The following ECT2 variants were observed in gnomAD, a reference collection of about 807,000 sequenced individuals.
The protein encoded by ECT2 is epithelial cell transforming 2.
ECT2 carries 61 observed loss-of-function variants against 116.9 expected under a neutral mutation model. The ratio of observed to expected loss-of-function variants is 0.52; its 90% CI spans 0.42 to 0.65. The LOEUF is 0.65. Ranked by LOEUF, ECT2 falls within the 30% of genes least tolerant of loss-of-function variation. ECT2 has a pLI of 0.00. For missense variants in ECT2, 937 were observed against 1,078.7 expected (o/e 0.87, Z 1.84); for synonymous variants, 358 against 346.4 (o/e 1.03, Z -0.37).
intron 18 of ECT2, among the ~76,000 whole-genome samples, chr3:172,799,568 T>G (rs1278875026): frequency 6.6e-6 from 1 of 152,224 alleles, no homozygotes; most frequent in South Asian, 2.1e-4. Flanking sequence ...CTAGTAACTT[T>G]AGCAATATCT....
downstream of ECT2, among the ~76,000 whole-genome samples, chr3:172,821,714 T>C (rs1415505923): frequency 6.6e-6 from 1 of 151,946 alleles, no homozygotes; most frequent in Non-Finnish European, 1.5e-5. Context: ...TTTGTGTTTA[T>C]GTGCATATAT....
intron 18 of ECT2, among the ~76,000 whole-genome samples, chr3:172,793,163 TTTTA>T (rs1446987484): frequency 6.6e-6 from 1 of 152,128 alleles, no homozygotes; most frequent in African/African-American, 2.4e-5. Context: ...TTTTATTTAT[TTTTA>T]TTTATTTATT....
downstream of ECT2, among the ~76,000 whole-genome samples, chr3:172,824,678 A>C (rs2109467388): frequency 6.6e-6 from 1 of 152,274 alleles, no homozygotes; most frequent in Admixed American, 6.5e-5. Context: ...TATCACTTCA[A>C]AATATATTCT....
At chr3:172,804,531 T>C (rs185747927) in intron 20 of ECT2, among the ~76,000 whole-genome samples, 128 of 152,320 alleles carry the variant, frequency 8.4e-4, no homozygotes, top group African/African-American at 3.0e-3. Flanking sequence ...TTTTCAATTA[T>C]ATTTTATCTG....
At chr3:172,768,713 C>G (rs1720013782) in intron 12 of ECT2, among the ~76,000 whole-genome samples, 1 of 152,178 alleles carries the variant, frequency 6.6e-6, no homozygotes, top group African/African-American at 2.4e-5. Context: ...TTGTCTCTCT[C>G]TAGTCTTCTC....
At chr3:172,782,567 C>T (rs1377562906) in intron 15 of ECT2, among the ~76,000 whole-genome samples, 3 of 152,126 alleles carry the variant, frequency 2.0e-5, no homozygotes, top group African/African-American at 7.2e-5. Flanking sequence ...TTCAGGAGTA[C>T]ATGTACGGGT....
chr3:172,799,165 A>G (rs1726263394), intron 18 of ECT2, among the ~76,000 whole-genome samples: 1 of 152,180 alleles, frequency 6.6e-6, no homozygotes, highest in African/African-American at 2.4e-5. Flanking sequence ...TCTAGATCCT[A>G]AATTCTTCCA....
intron 13 of ECT2, among the ~76,000 whole-genome samples, chr3:172,770,745 T>G (rs113701723): frequency 3.3e-5 from 5 of 152,318 alleles, no homozygotes; most frequent in African/African-American, 1.2e-4. Context: ...CAAAATTAAA[T>G]GAATATCCAG....
At chr3:172,767,580 C>T (rs192217402) in intron 12 of ECT2, among the ~76,000 whole-genome samples, 3 of 152,246 alleles carry the variant, frequency 2.0e-5, no homozygotes, top group South Asian at 2.1e-4. Context: ...TTATGTCATA[C>T]ATTCCTTTTC....
the ECT2 span, chr3:172,828,592 A>C: frequency 4.7e-5 from 9 of 191,578 alleles, no homozygotes; most frequent in East Asian, 1.3e-3. Flanking sequence ...TATTCAATAA[A>C]TGGTGCTGAG....
At chr3:172,815,814 A>G in intron 23 of ECT2, 103 bp downstream of exon 23, 2 of 768,328 alleles carry the variant, frequency 2.6e-6, no homozygotes, top group Middle Eastern at 2.3e-4. Context: ...AGTTTATAAA[A>G]CAAAGCTGTT....
In ECT2 at chr3:172,760,270, A is replaced by G. The variant is rs751520295; in HGVS notation, c.684+7A>G. The G allele has an allele frequency of 1.3e-6, 2 of 1,580,498 alleles. No individual in the cohort carries two copies. The highest frequency in any genetic ancestry group is 1.7e-6 in the Non-Finnish European group (2 of 1,152,710). ...ACAAGGAGAAAAATTCAGGGTATGT[A>G]AACTTGGGTATTTTTGTGTATTTCA... On this transcript the variant is annotated splice_region_variant and intron_variant, in intron 7 of 24. Transcript: ENST00000392692.
chr3:172,759,360 A>G (rs552128756), intron 6 of ECT2, among the ~76,000 whole-genome samples: 3 of 152,168 alleles, frequency 2.0e-5, no homozygotes, highest in Non-Finnish European at 4.4e-5. Context: ...GTTTTTGTTT[A>G]TACATTGCAA....
intron 15 of ECT2, among the ~76,000 whole-genome samples, chr3:172,782,850 T>G (rs146284635): frequency 1.3e-5 from 2 of 152,254 alleles, no homozygotes; most frequent in African/African-American, 4.8e-5. Context: ...TCCATCTATG[T>G]TCCTGCAAAG....
Position 172,816,473 on chromosome 3 carries a change from TC to T in ECT2, c.2509-217del, listed in dbSNP as rs1341445568. Among the ~76,000 whole-genome samples, 4 of 152,142 alleles carry T rather than the reference TC, an allele frequency of 2.6e-5. No individual in the cohort carries two copies. The East Asian group carries it at 7.7e-4, about 29-fold the overall frequency. On this transcript the variant is annotated intron_variant, in intron 23 of 24. Coordinates refer to ENST00000392692, the MANE Select transcript of ECT2 (RefSeq NM_001258315.2). ...GGTCTCTTCTCTCCCAGGCTAGATT[TC>T]TTTTCTCCTCCTCCTTCCATTGGAC...
intron 18 of ECT2, among the ~76,000 whole-genome samples, chr3:172,793,555 C>T (rs1026484783): frequency 5.3e-5 from 8 of 152,098 alleles, no homozygotes; most frequent in Non-Finnish European, 1.0e-4. Context: ...CCTCCACCTC[C>T]CAGGTTCAAG....
intron 1 of ECT2, among the ~76,000 whole-genome samples, chr3:172,753,176 T>C (rs996523476): frequency 2.0e-5 from 3 of 152,164 alleles, no homozygotes; most frequent in African/African-American, 7.2e-5. Context: ...CACAGCTCAC[T>C]ACAACCTCAA....
chr3:172,786,528 A>C lies in ECT2; in HGVS notation c.1861A>C (p.Lys621Gln). The change falls in exon 18 of 25, where the codon AAA becomes CAA. Residue 621 changes from lysine to glutamine, a missense_variant. Lys to Gln is a moderately conservative substitution (Grantham distance 53). Coordinates refer to ENST00000392692, the MANE Select transcript of ECT2 (RefSeq NM_001258315.2). ...GCATACAGCTGATGAAAATCCAGAC[A>C]AAAGCACTTTAGAAAAAGCTATTGG... ...KKHTADENPD[K>Q]STLEKAIGSL... 6.2e-7 allele frequency: 1 copy of C among 1,611,448 alleles called. No individual in the cohort carries two copies. The highest frequency in any genetic ancestry group is 2.2e-5 in the East Asian group (1 of 44,696).
chr3:172,763,641 G>A (rs1407979350), intron 11 of ECT2, among the ~76,000 whole-genome samples: 1 of 152,168 alleles, frequency 6.6e-6, no homozygotes, highest in Non-Finnish European at 1.5e-5. Flanking sequence ...GTAGAATATC[G>A]TTAAGGAAAA....
Sources: gnomAD v4.1 joint callset for allele counts (sites outside exome capture counted in the v4.1 genomes callset) on GRCh38, gnomAD v4.1.1 for gene constraint, MANE v1.5 for transcripts, NCBI Gene and HGNC (gene_info 2026-07-23, HGNC 2026-07-21) for gene names.